LHFPL2: variants seen among roughly 807,000 people sequenced by gnomAD.
LHFPL2 encodes the protein LHFPL tetraspan subfamily member 2 protein.
LHFPL2 carries 7 observed loss-of-function variants against 17.5 expected under a neutral mutation model. The ratio of observed to expected loss-of-function variants is 0.40; its 90% CI spans 0.23 to 0.75. The LOEUF (loss-of-function observed/expected upper bound fraction) is 0.75, where lower values mean the gene tolerates loss of function less well. LHFPL2 is among the 30% of genes least tolerant of loss of function. The pLI, the probability that LHFPL2 is intolerant of heterozygous loss-of-function variation, is 0.37. For synonymous variants in LHFPL2, 134 were observed against 116.2 expected (o/e 1.15, Z -0.99); for missense variants, 241 against 294.8 (o/e 0.82, Z 1.34).
At chr5:78,581,402 C>G (rs1399887114) in intron 2 of LHFPL2, among the ~76,000 whole-genome samples, 12 of 152,152 alleles carry the variant, frequency 7.9e-5, no homozygotes, top group East Asian at 1.9e-4. Flanking sequence ...AGTTCTTACA[C>G]ATTCAGTATG....
At chr5:78,619,527 T>C (rs1284423553) in intron 2 of LHFPL2, among the ~76,000 whole-genome samples, 1 of 148,682 alleles carries the variant, frequency 6.7e-6, no homozygotes, top group Non-Finnish European at 1.5e-5. Flanking sequence ...ATACTTTAAG[T>C]TTTAGGGTAC....
intron 1 of LHFPL2, among the ~76,000 whole-genome samples, chr5:78,647,359 G>A (rs1271772063): frequency 2.0e-5 from 3 of 152,138 alleles, no homozygotes; most frequent in Non-Finnish European, 4.4e-5. Flanking sequence ...AGCAGGAGTG[G>A]AGCTCTCTGG....
chr5:78,640,485 TAA>T, intron 1 of LHFPL2, among the ~76,000 whole-genome samples: 1 of 152,308 alleles, frequency 6.6e-6, no homozygotes, highest in African/African-American at 2.4e-5. Flanking sequence ...CAGTTCTGTT[TAA>T]AGACAGGAAC....
chr5:78,528,073 T>G (rs1755672417), intron 3 of LHFPL2, among the ~76,000 whole-genome samples: 1 of 152,260 alleles, frequency 6.6e-6, no homozygotes, highest in Non-Finnish European at 1.5e-5. Flanking sequence ...GGCTTAACTG[T>G]GCTCCCAGTA....
chr5:78,511,525 C>T (rs897600203), intron 3 of LHFPL2, among the ~76,000 whole-genome samples: 10 of 152,226 alleles, frequency 6.6e-5, no homozygotes, highest in African/African-American at 2.4e-4. Context: ...CATGGCCCTG[C>T]TCTGAATGAT....
Position 78,597,986 on chromosome 5 carries a change from C to T in LHFPL2, c.-244-33115G>A, listed in dbSNP as rs141717921. ...GTTGCTCACCAAAACTTGACAACCACAAACTAAATAACAATGGAATCCAAC... is the reference window on the plus strand; with the variant it reads ...GTTGCTCACCAAAACTTGACAACCATAAACTAAATAACAATGGAATCCAAC... On this transcript the variant is annotated intron_variant, in intron 2 of 4. Transcript: ENST00000380345. Among the ~76,000 whole-genome samples the T allele has an allele frequency of 6.3e-3, 966 of 152,252 alleles. 11 individuals are homozygous for T. Among genetic ancestry groups the T allele is most frequent in the African/African-American group, 0.022 (928 of 41,530 alleles).
intron 2 of LHFPL2, among the ~76,000 whole-genome samples, chr5:78,587,286 C>T (rs1368325879): frequency 6.6e-6 from 1 of 152,126 alleles, no homozygotes; most frequent in Admixed American, 6.6e-5. Context: ...GCAAAGATGC[C>T]GAATAGAGTC....
rs1216146691 is a variant in LHFPL2 at position 78,486,197 on chromosome 5, C to T, written c.*2700G>A. On this transcript the variant is annotated 3_prime_UTR_variant, in exon 5 of 5. Coordinates refer to ENST00000380345, the MANE Select transcript of LHFPL2 (RefSeq NM_005779.3). ...GATGTTTGAAAACTATACAAAAACC[C>T]TTATACAATTAATGCAACATTGTTT... is the stretch of plus-strand genomic sequence containing the variant. 2 of 152,550 alleles carry T rather than the reference C, an allele frequency of 1.3e-5. No homozygotes were observed. The highest frequency in any genetic ancestry group is 4.8e-5 in the African/African-American group (2 of 41,418). 9.4% of individuals were successfully genotyped at this position (152,550 alleles called of 1,614,324 possible).
chr5:78,508,210 CAGA>C (rs1435604191), intron 4 of LHFPL2, among the ~76,000 whole-genome samples: 2 of 152,088 alleles, frequency 1.3e-5, no homozygotes, highest in African/African-American at 4.8e-5. Context: ...CCCTATTTTT[CAGA>C]AGGAGAACAC....
intron 3 of LHFPL2, among the ~76,000 whole-genome samples, chr5:78,532,794 G>GTCAGTTTACTATTACCATGA (rs1755824666): frequency 6.6e-6 from 1 of 151,606 alleles, no homozygotes; most frequent in Admixed American, 6.6e-5. Context: ...CAATTCTAGG[G>GTCAGTTTACTATTACCATGA]TCAGTTTACT....
intron 1 of LHFPL2, among the ~76,000 whole-genome samples, chr5:78,646,413 C>T (rs1273728536): frequency 6.6e-6 from 1 of 152,194 alleles, no homozygotes; most frequent in South Asian, 2.1e-4. Context: ...GAGCACTTAG[C>T]GTGAGGAACC....
intron 3 of LHFPL2, among the ~76,000 whole-genome samples, chr5:78,544,754 C>T (rs533588915): frequency 6.9e-4 from 102 of 148,386 alleles, no homozygotes; most frequent in Non-Finnish European, 1.5e-3. Context: ...CATCTTCTTA[C>T]ACACACACAC....
intron 3 of LHFPL2, among the ~76,000 whole-genome samples, chr5:78,529,516 G>T (rs1321058654): frequency 1.3e-5 from 2 of 152,190 alleles, no homozygotes; most frequent in African/African-American, 4.8e-5. Context: ...GGGGGTTGGT[G>T]CAGGATGGAG....
Position 78,488,797 on chromosome 5 carries a change from T to G in LHFPL2, c.*100A>C. The G allele has an allele frequency of 7.2e-7, 1 of 1,387,758 alleles. No individual in the cohort carries two copies. Among genetic ancestry groups the G allele is most frequent in the Non-Finnish European group, 9.9e-7 (1 of 1,008,502 alleles). 86.0% of individuals were successfully genotyped at this position (1,387,758 alleles called of 1,614,324 possible). A position where few individuals can be genotyped will look rare whatever the true frequency, so the allele number is the denominator to read the frequency against. ...AAGCCTCGGGCCGTGGAACGTGGCT[T>G]TGGTAGGTAAAGGTTAGTTCTCCAC... On this transcript the variant is annotated 3_prime_UTR_variant, in exon 5 of 5. Coordinates refer to ENST00000380345, the MANE Select transcript of LHFPL2 (RefSeq NM_005779.3).
intron 2 of LHFPL2, among the ~76,000 whole-genome samples, chr5:78,570,557 T>G (rs182925718): frequency 6.6e-6 from 1 of 151,842 alleles, no homozygotes; most frequent in Admixed American, 6.6e-5. Flanking sequence ...TAGGCAATTC[T>G]GAGAAACCCT....
At chr5:78,619,249 A>T (rs962908611) in intron 2 of LHFPL2, among the ~76,000 whole-genome samples, 1 of 152,060 alleles carries the variant, frequency 6.6e-6, no homozygotes, top group Non-Finnish European at 1.5e-5. Flanking sequence ...GCTGGTCTAA[A>T]ACTCCAGGCC....
chr5:78,582,046 C>T (rs1318295936), intron 2 of LHFPL2, among the ~76,000 whole-genome samples: 2 of 152,194 alleles, frequency 1.3e-5, no homozygotes, highest in Non-Finnish European at 2.9e-5. Flanking sequence ...GGAATTTATC[C>T]ATTACTTCTA....
chr5:78,644,601 C>T, intron 1 of LHFPL2: 1 of 437,590 alleles, frequency 2.3e-6, no homozygotes, highest in Non-Finnish European at 4.3e-6. Flanking sequence ...TTTTTGTCTC[C>T]CATTTAGGAA....
intron 2 of LHFPL2, among the ~76,000 whole-genome samples, chr5:78,567,997 A>C (rs903145169): frequency 3.9e-5 from 6 of 151,938 alleles, no homozygotes; most frequent in African/African-American, 1.4e-4. Flanking sequence ...CAGTGTAAAG[A>C]GTGTGTTTCC....
Sources: allele counts gnomAD v4.1 joint callset (sites outside exome capture counted in the v4.1 genomes callset), GRCh38; gene constraint gnomAD v4.1.1; transcripts MANE v1.5; gene names NCBI Gene and HGNC (gene_info 2026-07-23, HGNC 2026-07-21).